PTGES2: variants seen among roughly 807,000 people sequenced by gnomAD.
The protein encoded by PTGES2 is GATE-binding factor 1.
In PTGES2, 35 loss-of-function variants were observed where a neutral mutation model predicts 44.5. The observed-to-expected ratio is 0.79, with a 90% CI of 0.60 to 1.04. The LOEUF (loss-of-function observed/expected upper bound fraction) is 1.04, where lower values mean the gene tolerates loss of function less well. Ranked by LOEUF, PTGES2 falls within the 50% of genes least tolerant of loss-of-function variation. PTGES2 has a pLI of 0.00. For synonymous variants in PTGES2, 221 were observed against 227.5 expected, an observed-to-expected ratio of 0.97 and a Z score of 0.26; for missense variants, 517 against 521.4, an observed-to-expected ratio of 0.99 and a Z score of 0.08.
At chr9:128,124,886 A>G (rs749714234) in intron 2 of PTGES2, 128 of 1,248,392 alleles carry the variant, frequency 1.0e-4, no homozygotes, top group Non-Finnish European at 1.3e-4. Flanking sequence ...AAGCCAGAAT[A>G]TGGTCCCTTG....
intron 1 of PTGES2, 32 bp from the exon 2 acceptor site, chr9:128,125,473 C>T: frequency 6.2e-7 from 1 of 1,608,062 alleles, no homozygotes; most frequent in Non-Finnish European, 8.5e-7. Flanking sequence ...GGCTTCTAGA[C>T]CTGGCACCCC....
At chr9:128,127,926 T>C (rs1046243708), upstream of PTGES2, 2 of 446,212 alleles carry the variant, frequency 4.5e-6, no homozygotes, top group Non-Finnish European at 3.8e-6. Flanking sequence ...TCGGGAACGT[T>C]TGCAGACCGT....
In PTGES2 at chr9:128,123,269, CAA is replaced by C. The variant is rs1834495243; in HGVS notation, c.687-137_687-136del. On this transcript the variant is annotated intron_variant, in intron 4 of 6. Transcript: ENST00000338961. This position sits in a 1 kb window ranked among gnomAD's most constrained non-coding sequence, Gnocchi z 4.4. ...GAAGGTCTTTTTTTTTTTTTTGAGA[CAA>C]AGTCTCGCTCTGTCACCCAGGCTGG... 5.2e-6 allele frequency: 4 copies of C among 762,804 alleles called. No individual in the cohort carries two copies. The highest frequency in any genetic ancestry group is 6.2e-6 in the Non-Finnish European group (3 of 485,776). 47.3% of individuals were successfully genotyped at this position (762,804 alleles called of 1,614,324 possible). A position where few individuals can be genotyped will look rare whatever the true frequency, so the allele number is the denominator to read the frequency against.
intron 2 of PTGES2, 35 bp from the exon 3 acceptor site, chr9:128,124,585 C>T: frequency 6.2e-7 from 1 of 1,601,372 alleles, no homozygotes; most frequent in Non-Finnish European, 8.6e-7. Flanking sequence ...TCAGAGGTTG[C>T]AACCCAGCCG....
In PTGES2 at chr9:128,127,458, G is replaced by A; in HGVS notation, c.260C>T (p.Ala87Val). 2 of 1,397,514 alleles carry A rather than the reference G, an allele frequency of 1.4e-6. No homozygotes were observed. Among genetic ancestry groups the A allele is most frequent in the Non-Finnish European group, 1.9e-6 (2 of 1,070,874 alleles). The allele number at this position is 1,397,514 out of a possible 1,614,324, so 86.6% of individuals were successfully genotyped here. The change falls in exon 1 of 7, where the codon GCA becomes GTA. Residue 87 changes from alanine (A) to valine (V), a missense_variant. Coordinates refer to ENST00000338961, the MANE Select transcript of PTGES2 (RefSeq NM_025072.7). Reference protein sequence around the residue: ...RWHLRAQDLHAERSAAQLSLS... With the variant: ...RWHLRAQDLHVERSAAQLSLS... ...CCTTACCTGCGCGGCTGAGCGCTCT[G>A]CGTGGAGGTCCTGGGCGCGCAGGTG...
upstream of PTGES2, chr9:128,127,973 C>T (rs567004662): frequency 2.0e-5 from 9 of 447,326 alleles, no homozygotes; most frequent in Admixed American, 4.1e-5. Flanking sequence ...TGGGTAGTGA[C>T]CCGGCCGACT....
intron 2 of PTGES2, among the ~76,000 whole-genome samples, 177 bp downstream of exon 2, chr9:128,125,067 G>A (rs552358231): frequency 4.6e-5 from 7 of 152,318 alleles, no homozygotes; most frequent in Middle Eastern, 3.4e-3. Flanking sequence ...GTTTTGGTAC[G>A]GAAGGAGAGA....
intron 2 of PTGES2, chr9:128,124,858 CA>C: frequency 8.0e-7 from 1 of 1,249,226 alleles, no homozygotes; most frequent in South Asian, 1.9e-5. Context: ...CCAGGCATTT[CA>C]TATCTGCCGT....
In PTGES2 at chr9:128,121,128, G is replaced by A; in HGVS notation, c.*17C>T. 1 of 1,573,404 alleles carries A rather than the reference G, an allele frequency of 6.4e-7. No homozygotes were observed. The highest frequency in any genetic ancestry group is 8.6e-7 in the Non-Finnish European group (1 of 1,159,966). ...TGGCGTCTTCCGCTGCCTTCCCTCT[G>A]CTCTGCGCGGGGACATTCAGTGCGC... On this transcript the variant is annotated 3_prime_UTR_variant, in exon 7 of 7. Coordinates refer to ENST00000338961, the MANE Select transcript of PTGES2 (RefSeq NM_025072.7).
intron 1 of PTGES2, among the ~76,000 whole-genome samples, chr9:128,126,489 G>A (rs6478818): frequency 0.93 from 142,252 of 152,176 alleles, 67,078 homozygotes; most frequent in Non-Finnish European, 1. Flanking sequence ...TGGGGAGAGA[G>A]GATGATGAAC....
intron 3 of PTGES2, among the ~76,000 whole-genome samples, chr9:128,124,087 T>C (rs1443040682): frequency 6.9e-6 from 1 of 144,620 alleles, no homozygotes; most frequent in Non-Finnish European, 1.5e-5. Context: ...GGAAAATCAT[T>C]TTTTTTTTTT....
At chr9:128,124,580 G>A (rs935191060) in intron 2 of PTGES2, 30 bp from the exon 3 acceptor site, 5 of 1,608,020 alleles carry the variant, frequency 3.1e-6, no homozygotes, top group Non-Finnish European at 4.3e-6. Flanking sequence ...TTTAATCAGA[G>A]GTTGCAACCC....
At chr9:128,122,883 T>G (rs1208929707) in intron 5 of PTGES2, 51 bp downstream of exon 5, 1 of 1,592,524 alleles carries the variant, frequency 6.3e-7, no homozygotes, top group Non-Finnish European at 8.6e-7. Context: ...CCACTGCTCG[T>G]GGCACCGGAG....
At position 128,127,661 on chromosome 9, in the gene PTGES2, G is replaced by C. The variant is rs1236932894; in HGVS notation, c.57C>G (p.Ala19=). Reference sequence around the variant, plus strand: ...GCTGGGGGCGGCCTCCCAGCCTCCAGGCCAAGGCGCACCCACCAGGCCACA... The same window carrying C: ...GCTGGGGGCGGCCTCCCAGCCTCCACGCCAAGGCGCACCCACCAGGCCACA... ...RALWPGGCAL[A]WRLGGRPQPL... The change falls in exon 1 of 7, where the codon GCC becomes GCG. Residue 19 remains alanine, a synonymous_variant. Coordinates refer to ENST00000338961, the MANE Select transcript of PTGES2 (RefSeq NM_025072.7). 3.1e-6 allele frequency: 4 copies of C among 1,298,468 alleles called. No homozygotes were observed. In the African/African-American group the frequency reaches 6.2e-5, roughly 20 times the overall value. 80.4% of individuals were successfully genotyped at this position (1,298,468 alleles called of 1,614,324 possible).
Position 128,120,914 on chromosome 9 carries a change from C to G in PTGES2, c.*231G>C. 1 of 549,206 alleles carries G rather than the reference C, an allele frequency of 1.8e-6. No homozygotes were observed. Among genetic ancestry groups the G allele is most frequent in the Non-Finnish European group, 3.2e-6 (1 of 314,996 alleles). 34.0% of individuals were successfully genotyped at this position (549,206 alleles called of 1,614,324 possible). ...GAAGAGGGGCGGCAGAGCAGGGAGG[C>G]AGGGACAGGGAGGGGTCGCCCCAGG... is the stretch of plus-strand genomic sequence containing the variant. On this transcript the variant is annotated 3_prime_UTR_variant, in exon 7 of 7. Coordinates refer to ENST00000338961, the MANE Select transcript of PTGES2 (RefSeq NM_025072.7).
Position 128,127,642 on chromosome 9 carries a change from G to A in PTGES2, c.76C>T (p.Pro26Ser), listed in dbSNP as rs1022322046. ...CALAWRLGGR[P>S]QPLLPTQSRA... ...CTCTGCGTGGGTAGCAGCGGCTGGG[G>A]GCGGCCTCCCAGCCTCCAGGCCAAG... The change falls in exon 1 of 7, where the codon CCC (proline) becomes TCC (serine). Residue 26 changes from proline (P) to serine (S), a missense_variant. Physicochemically the swap from Pro to Ser is moderately conservative, Grantham distance 74. Coordinates refer to ENST00000338961, the MANE Select transcript of PTGES2 (RefSeq NM_025072.7). The A allele has an allele frequency of 3.9e-6, 5 of 1,270,608 alleles. No individual in the cohort carries two copies. Among genetic ancestry groups the A allele is most frequent in the African/African-American group, 1.6e-5 (1 of 64,492 alleles). 78.7% of individuals were successfully genotyped at this position (1,270,608 alleles called of 1,614,324 possible).
At position 128,123,171 on chromosome 9, in the gene PTGES2, G is replaced by A. The variant is rs544252727; in HGVS notation, c.687-37C>T. ...GGAGGGACTTCCTAAGCCAGGACCCGGGCTGTGTTGGGAGCAGGCTGCATT... is the reference window on the plus strand; with the variant it reads ...GGAGGGACTTCCTAAGCCAGGACCCAGGCTGTGTTGGGAGCAGGCTGCATT... On this transcript the variant is annotated intron_variant, in intron 4 of 6. Coordinates refer to ENST00000338961, the MANE Select transcript of PTGES2 (RefSeq NM_025072.7). This position sits in a 1 kb window ranked among gnomAD's most constrained non-coding sequence, Gnocchi z 4.4. The A allele has an allele frequency of 1.3e-5, 20 of 1,589,100 alleles. No individual in the cohort carries two copies. The highest frequency in any genetic ancestry group is 3.3e-5 in the South Asian group (3 of 90,372).
rs1477982406 is a variant in PTGES2 at position 128,123,079 on chromosome 9, G to A, written c.742C>T (p.Pro248Ser). The change falls in exon 5 of 7, where the codon CCC (proline) becomes TCC (serine). Residue 248 changes from proline (P) to serine (S), a missense_variant. Physicochemically the swap from Pro to Ser is moderately conservative, Grantham distance 74. Transcript: ENST00000338961. The surrounding 1 kb of genome is among the most constrained non-coding windows in gnomAD (Gnocchi z 4.4). ...ADDWLVHLIS[P>S]NVYRTPTEAL... is the part of the protein sequence containing the mutation. ...TCGGTGGGCGTGCGGTACACATTGG[G>A]GGAGATCAGGTGCACCAGCCAGTCG... is the stretch of plus-strand genomic sequence containing the variant. The A allele has an allele frequency of 6.2e-7, 1 of 1,612,340 alleles. No individual in the cohort carries two copies. The highest frequency in any genetic ancestry group is 1.3e-5 in the African/African-American group (1 of 74,844).
At position 128,123,078 on chromosome 9, in the gene PTGES2, G is replaced by A. The variant is rs1291955599; in HGVS notation, c.743C>T (p.Pro248Leu). The change falls in exon 5 of 7, where the codon CCC becomes CTC. Residue 248 changes from proline to leucine, a missense_variant. Transcript: ENST00000338961. The surrounding 1 kb of genome is among the most constrained non-coding windows in gnomAD (Gnocchi z 4.4). ...ADDWLVHLIS[P>L]NVYRTPTEAL... ...CTCGGTGGGCGTGCGGTACACATTG[G>A]GGGAGATCAGGTGCACCAGCCAGTC... 4 of 1,612,376 alleles carry A rather than the reference G, an allele frequency of 2.5e-6. No individual in the cohort carries two copies. In the South Asian group the frequency reaches 3.3e-5, roughly 13 times the overall value.
Sources: allele counts gnomAD v4.1 joint callset (sites outside exome capture counted in the v4.1 genomes callset), GRCh38; gene constraint gnomAD v4.1.1; non-coding constraint Gnocchi (gnomAD v3.1); transcripts MANE v1.5; gene names NCBI Gene and HGNC (gene_info 2026-07-23, HGNC 2026-07-21).